Variants in TMEM132C observed in about 807,000 individuals in gnomAD.
TMEM132C encodes protein phosphatase 1, regulatory subunit 152.
In TMEM132C, 29 loss-of-function variants were observed where a neutral mutation model predicts 61.4. That is an observed-to-expected ratio of 0.47 (90% CI 0.35 to 0.64). TMEM132C has a LOEUF of 0.64. Among genes scored for constraint, TMEM132C ranks in the 30% least tolerant of loss-of-function variants. The pLI, the probability that TMEM132C is intolerant of heterozygous loss-of-function variation, is 0.00. For missense variants in TMEM132C, 1,408 were observed against 1,476.9 expected (o/e 0.95, Z 0.76); for synonymous variants, 656 against 633.1 (o/e 1.04, Z -0.54).
chr12:128,538,029 C>T (rs906675926), intron 2 of TMEM132C, among the ~76,000 whole-genome samples: 2 of 152,200 alleles, frequency 1.3e-5, no homozygotes, highest in African/African-American at 4.8e-5. Flanking sequence ...CTCCTGGCCT[C>T]AAGTGATCCT....
At chr12:128,530,160 A>G (rs761718066) in intron 2 of TMEM132C, among the ~76,000 whole-genome samples, 5 of 152,142 alleles carry the variant, frequency 3.3e-5, no homozygotes, top group Non-Finnish European at 7.4e-5. Context: ...GCAGGCGTAG[A>G]CGATGCACCC....
At chr12:128,332,715 CT>C (rs1481869682) in intron 1 of TMEM132C, among the ~76,000 whole-genome samples, 1 of 152,268 alleles carries the variant, frequency 6.6e-6, no homozygotes, top group Middle Eastern at 3.2e-3. Flanking sequence ...TGGGCCTCCC[CT>C]GGTGTGTCCA....
At chr12:128,497,535 C>T (rs932730425) in intron 2 of TMEM132C, among the ~76,000 whole-genome samples, 19 of 152,166 alleles carry the variant, frequency 1.2e-4, no homozygotes, top group South Asian at 1.0e-3. Context: ...CAATGGCAGG[C>T]GCCCCTCCCC....
chr12:128,555,451 A>G (rs1408399473), intron 3 of TMEM132C, among the ~76,000 whole-genome samples: 1 of 152,232 alleles, frequency 6.6e-6, no homozygotes, highest in Non-Finnish European at 1.5e-5. Flanking sequence ...AACCAATGGC[A>G]TAAACTTACA....
chr12:128,567,226 A>T (rs1874731900), intron 3 of TMEM132C, among the ~76,000 whole-genome samples: 1 of 152,174 alleles, frequency 6.6e-6, no homozygotes, highest in African/African-American at 2.4e-5. Context: ...TCTTTATCCA[A>T]AAAGGCTGTT....
chr12:128,697,091 A>G (rs1029205243), intron 7 of TMEM132C, 133 bp from the exon 8 acceptor site: 8 of 688,716 alleles, frequency 1.2e-5, no homozygotes, highest in African/African-American at 5.4e-5. Flanking sequence ...TATAGAGTGA[A>G]GTAGATATGT....
chr12:128,303,191 C>T (rs1376248127), intron 1 of TMEM132C, among the ~76,000 whole-genome samples: 1 of 152,142 alleles, frequency 6.6e-6, no homozygotes, highest in African/African-American at 2.4e-5. Context: ...ATTCTATCTA[C>T]TTGTGTTGAA....
At chr12:128,616,609 G>A (rs1429739546) in intron 4 of TMEM132C, among the ~76,000 whole-genome samples, 1 of 152,312 alleles carries the variant, frequency 6.6e-6, no homozygotes, top group East Asian at 1.9e-4. Flanking sequence ...ATTTCAGTGT[G>A]CAGCCAGGGT....
At chr12:128,576,182 A>G (rs1875085159) in intron 3 of TMEM132C, among the ~76,000 whole-genome samples, 1 of 148,826 alleles carries the variant, frequency 6.7e-6, no homozygotes, top group Non-Finnish European at 1.5e-5. Context: ...CTGAACCAGA[A>G]GGGGGAGTTT....
chr12:128,320,696 C>T (rs1265750961), intron 1 of TMEM132C, among the ~76,000 whole-genome samples: 2 of 151,656 alleles, frequency 1.3e-5, no homozygotes, highest in East Asian at 1.9e-4. Context: ...TCACTTGCAC[C>T]TGGGAGATAA....
At chr12:128,386,642 G>A (rs1874591294) in intron 1 of TMEM132C, among the ~76,000 whole-genome samples, 1 of 152,212 alleles carries the variant, frequency 6.6e-6, no homozygotes. Flanking sequence ...TTCTACACGT[G>A]TGACAGGCGT....
intron 1 of TMEM132C, among the ~76,000 whole-genome samples, chr12:128,300,260 G>A (rs1373488952): frequency 6.6e-6 from 1 of 152,112 alleles, no homozygotes; most frequent in Non-Finnish European, 1.5e-5. Flanking sequence ...GAAGTCCTCT[G>A]TTCTTCCTCC....
chr12:128,642,059 T>C (rs1954162065), intron 4 of TMEM132C, among the ~76,000 whole-genome samples: 1 of 151,312 alleles, frequency 6.6e-6, no homozygotes, highest in African/African-American at 2.4e-5. Context: ...TCCACCTGCC[T>C]CCCAGAGTGC....
intron 3 of TMEM132C, among the ~76,000 whole-genome samples, chr12:128,549,382 G>A (rs1357358172): frequency 6.6e-6 from 1 of 152,094 alleles, no homozygotes; most frequent in Admixed American, 6.5e-5. Context: ...GGGAGTGCGT[G>A]CTGCACTCAG....
In TMEM132C at chr12:128,646,438, G is replaced by A. The variant is rs148854524; in HGVS notation, c.1306-22979G>A. Among the ~76,000 whole-genome samples, 1,017 of 151,770 alleles carry A rather than the reference G, an allele frequency of 6.7e-3. 15 individuals carry two copies. Among genetic ancestry groups the A allele is most frequent in the African/African-American group, 0.023 (964 of 41,236 alleles). ...GTGTTGGATGTGAGTGTGTTCACTA[G>A]ATCCCATCAGTGTTGGATGTGAGTG... On this transcript the variant is annotated intron_variant, in intron 4 of 8. Coordinates refer to ENST00000435159, the MANE Select transcript of TMEM132C (RefSeq NM_001136103.3).
chr12:128,357,993 G>A (rs1454912685), intron 1 of TMEM132C, among the ~76,000 whole-genome samples: 7 of 152,104 alleles, frequency 4.6e-5, no homozygotes, highest in Non-Finnish European at 1.5e-5. Context: ...TTGGTCCCCG[G>A]GGGTTTTGTG....
chr12:128,436,353 T>G (rs1421567286), intron 2 of TMEM132C, among the ~76,000 whole-genome samples: 1 of 152,198 alleles, frequency 6.6e-6, no homozygotes, highest in African/African-American at 2.4e-5. Context: ...ACCATCAGCA[T>G]GAACAGGCAA....
intron 4 of TMEM132C, among the ~76,000 whole-genome samples, chr12:128,627,104 C>A (rs1022644303): frequency 6.6e-6 from 1 of 152,184 alleles, no homozygotes; most frequent in African/African-American, 2.4e-5. Context: ...ATTAAGGACT[C>A]CTTGCCCACC....
chr12:128,519,402 A>C (rs1447020518), intron 2 of TMEM132C, among the ~76,000 whole-genome samples: 1 of 152,210 alleles, frequency 6.6e-6, no homozygotes, highest in African/African-American at 2.4e-5. Flanking sequence ...TCCAGTTTTC[A>C]TCCTTACAGT....
Sources: gnomAD v4.1 joint callset for allele counts (sites outside exome capture counted in the v4.1 genomes callset) on GRCh38, gnomAD v4.1.1 for gene constraint, MANE v1.5 for transcripts, NCBI Gene and HGNC (gene_info 2026-07-23, HGNC 2026-07-21) for gene names.